The following EYA2 variants were observed in gnomAD, a reference collection of about 807,000 sequenced individuals.
EYA2 encodes protein phosphatase EYA2.
A neutral mutation model predicts 69.2 loss-of-function variants in EYA2; 31 were observed. That is an observed-to-expected ratio of 0.45 (90% CI 0.34 to 0.60). The LOEUF is 0.60. EYA2 is among the 20% of genes least tolerant of loss of function. EYA2 has a pLI of 0.02. For missense variants in EYA2, 622 were observed against 701.2 expected (o/e 0.89, Z 1.28); for synonymous variants, 257 against 279.4 (o/e 0.92, Z 0.80).
chr20:47,113,627 C>A (rs899932785), intron 9 of EYA2, among the ~76,000 whole-genome samples: 2 of 152,170 alleles, frequency 1.3e-5, no homozygotes, highest in African/African-American at 4.8e-5. Context: ...AGCGCTGTAG[C>A]CTGGAGCTTA....
chr20:47,167,469 A>T (rs1157192021), intron 10 of EYA2, among the ~76,000 whole-genome samples: 1 of 151,614 alleles, frequency 6.6e-6, no homozygotes, highest in East Asian at 1.9e-4. Context: ...TTTTTAGTAG[A>T]GGTGGGGTTT....
At position 47,183,211 on chromosome 20, in the gene EYA2, C is replaced by A. The variant is rs541770841; in HGVS notation, c.1436-80C>A. 7.4e-4 allele frequency: 1,001 copies of A among 1,343,816 alleles called. 2 individuals carry two copies. The highest frequency in any genetic ancestry group is 1.4e-3 in the Admixed American group (73 of 52,928). The allele number at this position is 1,343,816 out of a possible 1,614,324, so 83.2% of individuals were successfully genotyped here. A position where few individuals can be genotyped will look rare whatever the true frequency, so the allele number is the denominator to read the frequency against. On this transcript the variant is annotated intron_variant, in intron 14 of 15. Coordinates refer to ENST00000327619, the MANE Select transcript of EYA2 (RefSeq NM_005244.5). ...CCTTTGGGAGCACAGCTGCAGGCAC[C>A]AAGCTCTTAATGAGCGGGTATTGGC...
chr20:46,898,181 A>C (rs565630035), intron 1 of EYA2, among the ~76,000 whole-genome samples: 1 of 151,238 alleles, frequency 6.6e-6, no homozygotes, highest in East Asian at 1.9e-4. Flanking sequence ...TGTTACCTCC[A>C]AAGGCTGGAC....
At chr20:47,006,850 G>A (rs544813063) in intron 4 of EYA2, among the ~76,000 whole-genome samples, 22 of 152,114 alleles carry the variant, frequency 1.4e-4, no homozygotes, top group Non-Finnish European at 3.1e-4. Flanking sequence ...CCCAGCCCAC[G>A]TTACTCCCTT....
At chr20:46,972,177 C>G (rs1182646010) in intron 1 of EYA2, among the ~76,000 whole-genome samples, 1 of 152,072 alleles carries the variant, frequency 6.6e-6, no homozygotes, top group Non-Finnish European at 1.5e-5. Context: ...AGTGCAAAAC[C>G]TATAAAGTGG....
At position 47,188,171 on chromosome 20, in the gene EYA2, A is replaced by C; in HGVS notation, c.*38A>C. 1 of 1,539,352 alleles carries C rather than the reference A, an allele frequency of 6.5e-7. No individual in the cohort carries two copies. Among genetic ancestry groups the C allele is most frequent in the Admixed American group, 2.0e-5 (1 of 51,134 alleles). ...CATCTCCACCTGCCATCTCACCCTC[A>C]GACCCCCTCGCCTTCCCCACCTCCC... On this transcript the variant is annotated 3_prime_UTR_variant, in exon 16 of 16. Transcript: ENST00000327619.
At chr20:46,986,379 TTA>T (rs1362304489) in intron 1 of EYA2, among the ~76,000 whole-genome samples, 1 of 146,366 alleles carries the variant, frequency 6.8e-6, no homozygotes, top group African/African-American at 2.5e-5. Flanking sequence ...ATATTATGTA[TTA>T]TATATCGATA....
At chr20:47,117,230 G>A (rs927232792) in intron 9 of EYA2, among the ~76,000 whole-genome samples, 12 of 152,178 alleles carry the variant, frequency 7.9e-5, no homozygotes, top group East Asian at 5.8e-4. Context: ...GGCTGGTCTC[G>A]AACTCCTGGC....
At chr20:47,172,121 A>T (rs2034334017) in intron 11 of EYA2, among the ~76,000 whole-genome samples, 4 of 151,378 alleles carry the variant, frequency 2.6e-5, no homozygotes, top group South Asian at 4.2e-4. Flanking sequence ...AAAAAATAAA[A>T]AAAATAAAAA....
At chr20:47,099,978 T>C (rs903614518) in intron 9 of EYA2, among the ~76,000 whole-genome samples, 10 of 150,664 alleles carry the variant, frequency 6.6e-5, no homozygotes, top group African/African-American at 2.0e-4. Flanking sequence ...TCCCCTAGAA[T>C]GTTAAGCTGC....
intron 9 of EYA2, among the ~76,000 whole-genome samples, chr20:47,125,049 T>G (rs1286800736): frequency 2.3e-3 from 48 of 20,602 alleles, no homozygotes; most frequent in Admixed American, 6.5e-3. Context: ...TTGGTTAAGT[T>G]TTTTTTTTTT....
intron 9 of EYA2, among the ~76,000 whole-genome samples, chr20:47,125,967 C>T (rs1041530810): frequency 2.0e-5 from 3 of 152,010 alleles, no homozygotes; most frequent in African/African-American, 4.8e-5. Flanking sequence ...AAGTTCAGGA[C>T]GTCAGGGTAA....
intron 14 of EYA2, among the ~76,000 whole-genome samples, chr20:47,181,213 C>G (rs1168121994): frequency 2.0e-5 from 3 of 152,202 alleles, no homozygotes; most frequent in Non-Finnish European, 2.9e-5. Flanking sequence ...CAAGGGCTTG[C>G]AAAAGAGTCA....
intron 12 of EYA2, 23 bp downstream of exon 12, chr20:47,172,890 C>T: frequency 1.3e-6 from 2 of 1,588,998 alleles, no homozygotes; most frequent in Non-Finnish European, 1.7e-6. Context: ...AGCCTTGGGC[C>T]TCCGAGGAAG....
At chr20:46,975,987 T>A (rs1002891450) in intron 1 of EYA2, among the ~76,000 whole-genome samples, 1 of 152,184 alleles carries the variant, frequency 6.6e-6, no homozygotes, top group African/African-American at 2.4e-5. Context: ...CCTTTTGTCA[T>A]AGGACTCCCT....
At chr20:47,074,953 A>G (rs181200198) in intron 7 of EYA2, among the ~76,000 whole-genome samples, 11 of 152,300 alleles carry the variant, frequency 7.2e-5, no homozygotes, top group African/African-American at 2.6e-4. Context: ...CTCTACTAAA[A>G]ATACAGAAAT....
chr20:47,000,372 T>C (rs759114238), intron 2 of EYA2, among the ~76,000 whole-genome samples: 1 of 152,146 alleles, frequency 6.6e-6, no homozygotes, highest in Non-Finnish European at 1.5e-5. Flanking sequence ...AACTAGGAAG[T>C]GGCAGAGTTG....
chr20:47,164,804 G>A (rs2034147414), intron 10 of EYA2, among the ~76,000 whole-genome samples: 1 of 152,154 alleles, frequency 6.6e-6, no homozygotes, highest in African/African-American at 2.4e-5. Context: ...AAAGGGAAGA[G>A]GAGGCAGAGA....
intron 1 of EYA2, among the ~76,000 whole-genome samples, chr20:46,954,847 A>G (rs1282377324): frequency 6.6e-6 from 1 of 152,172 alleles, no homozygotes; most frequent in East Asian, 1.9e-4. Flanking sequence ...GCCAAGGGGA[A>G]GCTGGGTTGG....
Sources: allele counts gnomAD v4.1 joint callset (sites outside exome capture counted in the v4.1 genomes callset), GRCh38; gene constraint gnomAD v4.1.1; transcripts MANE v1.5; gene names NCBI Gene and HGNC (gene_info 2026-07-23, HGNC 2026-07-21).